The following CDK14 variants were observed in gnomAD, a reference collection of about 807,000 sequenced individuals.
CDK14 encodes the protein cyclin dependent kinase 14.
A neutral mutation model predicts 60.7 loss-of-function variants in CDK14; 34 were observed. The observed-to-expected ratio is 0.56, with a 90% CI of 0.43 to 0.75. The LOEUF is 0.75. Ranked by LOEUF, CDK14 falls within the 30% of genes least tolerant of loss-of-function variation. The pLI, the probability that CDK14 is intolerant of heterozygous loss-of-function variation, is 0.00. For synonymous variants in CDK14, 197 were observed against 203.7 expected, an observed-to-expected ratio of 0.97 and a Z score of 0.28; for missense variants, 482 against 564.1, an observed-to-expected ratio of 0.85 and a Z score of 1.47.
chr7:90,797,986 A>G (rs1379983693), intron 5 of CDK14, among the ~76,000 whole-genome samples: 2 of 151,980 alleles, frequency 1.3e-5, no homozygotes, highest in African/African-American at 4.8e-5. Flanking sequence ...AAAAAATAGG[A>G]GTTGGATTAT....
intron 8 of CDK14, among the ~76,000 whole-genome samples, chr7:90,945,273 G>T (rs906637506): frequency 1.3e-5 from 2 of 152,192 alleles, no homozygotes; most frequent in Non-Finnish European, 2.9e-5. Flanking sequence ...GTATGATTAA[G>T]CATTTTTCAT....
intron 8 of CDK14, among the ~76,000 whole-genome samples, chr7:90,932,949 A>G (rs11772407): frequency 0.15 from 23,383 of 152,268 alleles, 1,900 homozygotes; most frequent in Non-Finnish European, 0.18. Context: ...CAAGGGAGTC[A>G]TGGGAACCAC....
chr7:91,023,730 A>T (rs900232827), intron 10 of CDK14, among the ~76,000 whole-genome samples: 1 of 152,150 alleles, frequency 6.6e-6, no homozygotes, highest in Non-Finnish European at 1.5e-5. Context: ...CCCATATTCC[A>T]TAAAAGGAAA....
intron 5 of CDK14, among the ~76,000 whole-genome samples, chr7:90,855,369 T>C (rs1032325920): frequency 6.6e-6 from 1 of 152,208 alleles, no homozygotes; most frequent in Non-Finnish European, 1.5e-5. Flanking sequence ...TATAAACACC[T>C]GTATGCTTTT....
intron 5 of CDK14, among the ~76,000 whole-genome samples, chr7:90,804,996 G>C (rs1459158425): frequency 6.6e-6 from 1 of 152,006 alleles, no homozygotes; most frequent in Admixed American, 6.6e-5. Flanking sequence ...ATATATCCAA[G>C]TTACAGGTGA....
At chr7:90,969,816 T>C (rs1794866473) in intron 9 of CDK14, among the ~76,000 whole-genome samples, 1 of 152,140 alleles carries the variant, frequency 6.6e-6, no homozygotes, top group Admixed American at 6.5e-5. Flanking sequence ...GGTGAAGGCA[T>C]TTCCTATTTA....
chr7:90,788,910 A>C (rs557952574), intron 4 of CDK14, among the ~76,000 whole-genome samples: 1 of 152,298 alleles, frequency 6.6e-6, no homozygotes, highest in South Asian at 2.1e-4. Context: ...GACACTGAGA[A>C]CATATAGTGT....
intron 9 of CDK14, among the ~76,000 whole-genome samples, chr7:90,957,892 C>G (rs1165255983): frequency 2.6e-5 from 4 of 152,088 alleles, no homozygotes; most frequent in African/African-American, 9.7e-5. Flanking sequence ...CCCGCATCGC[C>G]AAATCAATCC....
intron 8 of CDK14, among the ~76,000 whole-genome samples, chr7:90,932,719 G>A (rs1168556998): frequency 6.6e-6 from 1 of 152,222 alleles, no homozygotes; most frequent in Admixed American, 6.5e-5. Flanking sequence ...GTAAGAGTCT[G>A]AGTATGGCCT....
At chr7:91,150,196 T>C (rs373556078) in intron 14 of CDK14, among the ~76,000 whole-genome samples, 2 of 152,236 alleles carry the variant, frequency 1.3e-5, no homozygotes, top group African/African-American at 2.4e-5. Flanking sequence ...GGAAGGGACA[T>C]TCAATGGTGC....
At chr7:90,829,959 G>A (rs7459416) in intron 5 of CDK14, among the ~76,000 whole-genome samples, 10,769 of 152,264 alleles carry the variant, frequency 0.071, 501 homozygotes, top group South Asian at 0.11. Flanking sequence ...GCCAGGTAGA[G>A]CCCCCATTGC....
intron 5 of CDK14, among the ~76,000 whole-genome samples, chr7:90,812,208 G>T (rs904446864): frequency 6.6e-6 from 1 of 152,184 alleles, no homozygotes; most frequent in African/African-American, 2.4e-5. Context: ...CAAAGACTTG[G>T]AACCAACCCA....
intron 14 of CDK14, among the ~76,000 whole-genome samples, chr7:91,129,803 A>G (rs1800063413): frequency 6.6e-6 from 1 of 152,192 alleles, no homozygotes. Flanking sequence ...ATTGGTGGTA[A>G]TATAAACAAA....
At chr7:90,914,296 ATTC>A (rs1793000686) in intron 7 of CDK14, among the ~76,000 whole-genome samples, 2 of 152,098 alleles carry the variant, frequency 1.3e-5, no homozygotes, top group African/African-American at 2.4e-5. Flanking sequence ...AGCCAAATCA[ATTC>A]TTCTACTTTT....
intron 5 of CDK14, among the ~76,000 whole-genome samples, chr7:90,857,088 T>C (rs1317071061): frequency 6.7e-6 from 1 of 149,182 alleles, no homozygotes; most frequent in Non-Finnish European, 1.5e-5. Flanking sequence ...TTAAAGGTTT[T>C]TTTCCCCTTT....
chr7:90,822,765 G>A (rs768003283), intron 5 of CDK14, among the ~76,000 whole-genome samples: 1 of 152,192 alleles, frequency 6.6e-6, no homozygotes, highest in Admixed American at 6.5e-5. Flanking sequence ...TGCAAAGATG[G>A]ACAAAACTAA....
At chr7:90,659,837 T>TTCTCTCTCTCTCTGTC (rs1800826414) in intron 2 of CDK14, among the ~76,000 whole-genome samples, 1 of 110,466 alleles carries the variant, frequency 9.1e-6, no homozygotes, top group Non-Finnish European at 1.8e-5. Flanking sequence ...CAGGGAATGC[T>TTCTCTCTCTCTCTGTC]TCTCTCTCTC....
chr7:90,975,336 T>A (rs1412787172), intron 9 of CDK14, among the ~76,000 whole-genome samples: 1 of 151,928 alleles, frequency 6.6e-6, no homozygotes, highest in Non-Finnish European at 1.5e-5. Context: ...TCATATTAAA[T>A]TTTTAATTTA....
At chr7:90,631,861 T>C (rs1340123979) in intron 2 of CDK14, 1 of 152,166 alleles carries the variant, frequency 6.6e-6, no homozygotes, top group Non-Finnish European at 1.5e-5. Flanking sequence ...TCACTGAAGG[T>C]GAATCCATTT....
Sources: allele counts gnomAD v4.1 joint callset (sites outside exome capture counted in the v4.1 genomes callset), GRCh38; gene constraint gnomAD v4.1.1; transcripts MANE v1.5; gene names NCBI Gene and HGNC (gene_info 2026-07-23, HGNC 2026-07-21).